COX10: variants seen among roughly 807,000 people sequenced by gnomAD.
The protein encoded by COX10 is cytochrome c oxidase assembly factor heme A:farnesyltransferase COX10.
In COX10, 27 loss-of-function variants were observed where a neutral mutation model predicts 37.3. The observed-to-expected ratio is 0.72, with a 90% CI of 0.53 to 1.00. The LOEUF is 1.00. Ranked by LOEUF, COX10 falls within the 50% of genes least tolerant of loss-of-function variation. The pLI is 0.00. For synonymous variants in COX10, 222 were observed against 229.1 expected (o/e 0.97, Z 0.28); for missense variants, 475 against 563.2 (o/e 0.84, Z 1.59).
At chr17:14,077,688 C>G (rs1328564524) in intron 3 of COX10, among the ~76,000 whole-genome samples, 2 of 152,234 alleles carry the variant, frequency 1.3e-5, no homozygotes, top group Non-Finnish European at 2.9e-5. Context: ...CAAGCTTTGA[C>G]TTAGCTTATT....
At chr17:14,142,492 ATAT>A (rs1695785459) in intron 4 of COX10, among the ~76,000 whole-genome samples, 1 of 152,244 alleles carries the variant, frequency 6.6e-6, no homozygotes, top group Non-Finnish European at 1.5e-5. Flanking sequence ...GCATTTAAAA[ATAT>A]TTGCCTGCTT....
chr17:14,200,067 C>G (rs1159926015), intron 6 of COX10, among the ~76,000 whole-genome samples: 1 of 151,630 alleles, frequency 6.6e-6, no homozygotes, highest in Non-Finnish European at 1.5e-5. Flanking sequence ...CAAGGCCATG[C>G]GTGGATGGTG....
intron 3 of COX10, among the ~76,000 whole-genome samples, chr17:14,096,378 C>CT (rs56125769): frequency 5.6e-5 from 5 of 88,816 alleles, no homozygotes; most frequent in South Asian, 4.7e-4. Context: ...TTTTTTTTTT[C>CT]TTTTTTTTTT....
At chr17:14,116,235 A>G (rs144131331) in intron 4 of COX10, among the ~76,000 whole-genome samples, 61 of 152,286 alleles carry the variant, frequency 4.0e-4, no homozygotes, top group East Asian at 2.3e-3. Context: ...AGTTACCCAC[A>G]GTCAACTGAG....
At chr17:14,163,504 G>T (rs1355210341) in intron 5 of COX10, among the ~76,000 whole-genome samples, 4 of 151,974 alleles carry the variant, frequency 2.6e-5, no homozygotes, top group African/African-American at 7.2e-5. Context: ...GATCCACCTG[G>T]CTTGGCCTCC....
Position 14,103,345 on chromosome 17 carries a change from T to C in COX10, c.624+1103T>C, listed in dbSNP as rs536913060. ...AATATAAGCCAAATTGATTTATTTG[T>C]CCATTTGGGTCTATTTTTTATTTTT... On this transcript the variant is annotated intron_variant, in intron 4 of 6. Transcript: ENST00000261643. 7.9e-5 allele frequency among the ~76,000 whole-genome samples: 12 copies of C among 152,310 alleles called. 1 individual carries two copies. In the South Asian group the frequency reaches 2.5e-3, roughly 32 times the overall value.
intron 6 of COX10, among the ~76,000 whole-genome samples, chr17:14,200,777 T>A (rs1906520315): frequency 6.6e-6 from 1 of 152,214 alleles, no homozygotes; most frequent in Non-Finnish European, 1.5e-5. Flanking sequence ...TGTACAAAGA[T>A]TGTGCAGGGT....
At chr17:14,079,159 G>T (rs11870023) in intron 3 of COX10, among the ~76,000 whole-genome samples, 1 of 152,116 alleles carries the variant, frequency 6.6e-6, no homozygotes, top group Admixed American at 6.5e-5. Context: ...AATAATAATA[G>T]ATCATTTAAG....
At chr17:14,108,798 AAT>A (rs1915952864) in intron 4 of COX10, among the ~76,000 whole-genome samples, 1 of 152,168 alleles carries the variant, frequency 6.6e-6, no homozygotes. Flanking sequence ...TTTCCCAGTG[AAT>A]ATGAGATTAA....
chr17:14,159,524 G>C (rs532550708), intron 4 of COX10, among the ~76,000 whole-genome samples: 1 of 152,160 alleles, frequency 6.6e-6, no homozygotes, highest in Non-Finnish European at 1.5e-5. Flanking sequence ...AGGTTCTGGA[G>C]GGCCTACTGC....
At chr17:14,148,825 G>A (rs532100798) in intron 4 of COX10, among the ~76,000 whole-genome samples, 1 of 151,750 alleles carries the variant, frequency 6.6e-6, no homozygotes. Context: ...AGTATCATAA[G>A]TATATATTGT....
chr17:14,097,532 A>G (rs1267202307), intron 3 of COX10, among the ~76,000 whole-genome samples: 1 of 151,968 alleles, frequency 6.6e-6, no homozygotes, highest in Non-Finnish European at 1.5e-5. Flanking sequence ...TCTCTTCTCA[A>G]TTTATCAGTA....
At chr17:14,100,722 T>G (rs1915757540) in intron 3 of COX10, among the ~76,000 whole-genome samples, 2 of 152,180 alleles carry the variant, frequency 1.3e-5, no homozygotes, top group African/African-American at 4.8e-5. Context: ...CATCAAAGAA[T>G]TTTCAATGTT....
chr17:14,140,757 A>G (rs962437794), intron 4 of COX10, among the ~76,000 whole-genome samples: 6 of 152,156 alleles, frequency 3.9e-5, no homozygotes, highest in African/African-American at 1.4e-4. Context: ...CATGTAATAT[A>G]TGTGATCAGT....
intron 5 of COX10, among the ~76,000 whole-genome samples, chr17:14,166,932 G>A (rs1461793637): frequency 6.6e-6 from 1 of 151,134 alleles, no homozygotes; most frequent in Non-Finnish European, 1.5e-5. Flanking sequence ...CTTTTTAGTT[G>A]TATTTAAGAA....
At chr17:14,157,713 C>T (rs1905071772) in intron 4 of COX10, among the ~76,000 whole-genome samples, 1 of 152,132 alleles carries the variant, frequency 6.6e-6, no homozygotes, top group South Asian at 2.1e-4. Flanking sequence ...TCAGGTAGAG[C>T]AGGTGAGGCA....
chr17:14,195,908 C>T (rs1906354068), intron 6 of COX10, among the ~76,000 whole-genome samples: 1 of 152,076 alleles, frequency 6.6e-6, no homozygotes, highest in Non-Finnish European at 1.5e-5. Context: ...CTTGAAAATA[C>T]CTGGAGATTA....
intron 5 of COX10, among the ~76,000 whole-genome samples, chr17:14,170,916 A>G (rs1200938529): frequency 6.6e-6 from 1 of 152,240 alleles, no homozygotes; most frequent in Non-Finnish European, 1.5e-5. Flanking sequence ...TTGTTAGGGA[A>G]GAGGTTTAAA....
At chr17:14,186,424 G>A (rs1206833547) in intron 5 of COX10, among the ~76,000 whole-genome samples, 16 of 151,628 alleles carry the variant, frequency 1.1e-4, no homozygotes, top group Non-Finnish European at 1.5e-4. Context: ...CACCCTTTCC[G>A]CCCATCTCCC....
Sources: gnomAD v4.1 joint callset for allele counts (sites outside exome capture counted in the v4.1 genomes callset) on GRCh38, gnomAD v4.1.1 for gene constraint, MANE v1.5 for transcripts, NCBI Gene and HGNC (gene_info 2026-07-23, HGNC 2026-07-21) for gene names.